CENPW: variants seen among roughly 807,000 people sequenced by gnomAD.
CENPW encodes centromere protein W.
Under a neutral mutation model 11.1 loss-of-function variants are expected in CENPW, and 3 were observed. That is an observed-to-expected ratio of 0.27 (90% confidence interval 0.12 to 0.70). CENPW has a LOEUF of 0.70. Ranked by LOEUF, CENPW falls within the 30% of genes least tolerant of loss-of-function variation. The pLI is 0.77. For synonymous variants in CENPW, 38 were observed against 42.0 expected, an observed-to-expected ratio of 0.91 and a Z score of 0.37; for missense variants, 100 against 105.6, an observed-to-expected ratio of 0.95 and a Z score of 0.23.
chr6:126,393,987 T>C, the CENPW span, among the ~76,000 whole-genome samples: 2 of 151,912 alleles, frequency 1.3e-5, no homozygotes, highest in African/African-American at 2.4e-5. Flanking sequence ...ATGGATTATC[T>C]TTTTGCATCT....
At chr6:126,466,439 T>C in the CENPW span, among the ~76,000 whole-genome samples, 1 of 152,124 alleles carries the variant, frequency 6.6e-6, no homozygotes, top group East Asian at 1.9e-4. Context: ...TTAAGTAAAT[T>C]TATGCTGAAT....
At chr6:126,398,191 G>A in the CENPW span, among the ~76,000 whole-genome samples, 1 of 152,142 alleles carries the variant, frequency 6.6e-6, no homozygotes, top group Admixed American at 6.5e-5. Context: ...AACCTTTACT[G>A]TGCATACACA....
the CENPW span, among the ~76,000 whole-genome samples, chr6:126,430,099 A>G: frequency 1.3e-5 from 2 of 152,098 alleles, no homozygotes; most frequent in African/African-American, 4.8e-5. Context: ...CTGGCTTTAG[A>G]GTTAGTGACC....
the CENPW span, among the ~76,000 whole-genome samples, chr6:126,360,132 C>T: frequency 6.6e-6 from 1 of 152,106 alleles, no homozygotes; most frequent in African/African-American, 2.4e-5. Flanking sequence ...TAACAAATTC[C>T]CTCAGTGTTT....
chr6:126,362,610 A>G, the CENPW span, among the ~76,000 whole-genome samples: 5 of 152,196 alleles, frequency 3.3e-5, no homozygotes, highest in African/African-American at 1.2e-4. Flanking sequence ...GTCTAGTGCT[A>G]TCTTGTCCCC....
chr6:126,425,635 G>C, the CENPW span, among the ~76,000 whole-genome samples: 2 of 151,740 alleles, frequency 1.3e-5, no homozygotes, highest in Admixed American at 1.3e-4. Context: ...TTTTATTAGA[G>C]AGATTATCAA....
chr6:126,348,497 C>A lies in CENPW; in HGVS notation c.*5C>A. ...CTAAAGAAGAGCAGAGGTTAGAAGT[C>A]AAAGAACATATTCTTGAAAGTTATG... On this transcript the variant is annotated 3_prime_UTR_variant, in exon 3 of 3. Coordinates refer to ENST00000368328, the MANE Select transcript of CENPW (RefSeq NM_001012507.4). 1.4e-6 allele frequency: 2 copies of A among 1,445,496 alleles called. No homozygotes were observed. Among genetic ancestry groups the A allele is most frequent in the South Asian group, 2.3e-5 (2 of 86,492 alleles). 89.5% of individuals were successfully genotyped at this position (1,445,496 alleles called of 1,614,324 possible).
chr6:126,404,384 T>A, the CENPW span, among the ~76,000 whole-genome samples: 1 of 152,086 alleles, frequency 6.6e-6, no homozygotes, highest in Non-Finnish European at 1.5e-5. Context: ...ATTGAAAATC[T>A]TCTGGGAATA....
chr6:126,458,002 C>T, the CENPW span, among the ~76,000 whole-genome samples: 1 of 151,366 alleles, frequency 6.6e-6, no homozygotes, highest in African/African-American at 2.4e-5. Flanking sequence ...GAATCTTTAT[C>T]TCAACTTACT....
At chr6:126,458,735 A>G in the CENPW span, among the ~76,000 whole-genome samples, 1 of 151,430 alleles carries the variant, frequency 6.6e-6, no homozygotes, top group Non-Finnish European at 1.5e-5. Context: ...GAAAGGAGTC[A>G]TCATCAGTTT....
At chr6:126,343,187 C>T (rs17754780) in intron 1 of CENPW, among the ~76,000 whole-genome samples, 66,708 of 151,924 alleles carry the variant, frequency 0.44, 16,735 homozygotes, top group East Asian at 0.97. Flanking sequence ...TTAAAAGTAA[C>T]TTATTGATGG....
chr6:126,367,646 A>G, the CENPW span, among the ~76,000 whole-genome samples: 32 of 152,280 alleles, frequency 2.1e-4, no homozygotes, highest in African/African-American at 7.7e-4. Flanking sequence ...TTGAAACACT[A>G]GAGATTTAGA....
At chr6:126,433,341 G>T in the CENPW span, among the ~76,000 whole-genome samples, 2 of 152,122 alleles carry the variant, frequency 1.3e-5, no homozygotes, top group African/African-American at 4.8e-5. Flanking sequence ...AAAATGCCCA[G>T]GGCTACCTGG....
At chr6:126,378,178 A>T in the CENPW span, among the ~76,000 whole-genome samples, 1 of 152,194 alleles carries the variant, frequency 6.6e-6, no homozygotes, top group Non-Finnish European at 1.5e-5. Flanking sequence ...TAGAATGGGT[A>T]ATAAGTGGTG....
the CENPW span, among the ~76,000 whole-genome samples, chr6:126,359,364 G>A: frequency 6.6e-6 from 1 of 151,594 alleles, no homozygotes; most frequent in Non-Finnish European, 1.5e-5. Flanking sequence ...CTTAGAATAT[G>A]TTCTGTGTGC....
the CENPW span, among the ~76,000 whole-genome samples, chr6:126,358,219 C>G: frequency 1.3e-5 from 2 of 152,072 alleles, no homozygotes; most frequent in African/African-American, 4.8e-5. Flanking sequence ...CTAAATTGCT[C>G]TGGTCAGGAT....
the CENPW span, among the ~76,000 whole-genome samples, chr6:126,465,103 A>T: frequency 6.6e-6 from 1 of 152,146 alleles, no homozygotes; most frequent in Non-Finnish European, 1.5e-5. Context: ...GATCATTTAT[A>T]TAGAAAATCT....
the CENPW span, among the ~76,000 whole-genome samples, chr6:126,447,443 T>C: frequency 6.6e-6 from 1 of 151,218 alleles, no homozygotes; most frequent in African/African-American, 2.4e-5. Flanking sequence ...AGCTTGATGT[T>C]TGAAGAAGAC....
At chr6:126,448,397 T>C in the CENPW span, among the ~76,000 whole-genome samples, 1 of 151,124 alleles carries the variant, frequency 6.6e-6, no homozygotes, top group Non-Finnish European at 1.5e-5. Context: ...ACTGGCCTGA[T>C]AACTGTATTT....
Sources: gnomAD v4.1 joint callset for allele counts (sites outside exome capture counted in the v4.1 genomes callset) on GRCh38, gnomAD v4.1.1 for gene constraint, MANE v1.5 for transcripts, NCBI Gene and HGNC (gene_info 2026-07-23, HGNC 2026-07-21) for gene names.